The following INPPL1 variants were observed in gnomAD, a reference collection of about 807,000 sequenced individuals.
The protein encoded by INPPL1 is phosphatidylinositol 3,4,5-trisphosphate 5-phosphatase 2.
A neutral mutation model predicts 139.3 loss-of-function variants in INPPL1; 91 were observed. The observed-to-expected ratio is 0.65, with a 90% CI of 0.55 to 0.78. INPPL1 has a LOEUF of 0.78. INPPL1 is among the 30% of genes least tolerant of loss of function. The pLI is 0.00. For missense variants in INPPL1, 1,411 were observed against 1,665.6 expected (o/e 0.85, Z 2.66); for synonymous variants, 719 against 686.6 (o/e 1.05, Z -0.74).
In INPPL1 at chr11:72,225,069, G is replaced by C. The variant is rs1948629791; in HGVS notation, c.85G>C (p.Ala29Pro). The part of the protein sequence containing the change: ...PSWYHRDLSR[A>P]AAEELLARAG... ...CTGGTACCACCGCGACCTGAGCCGGGCGGCCGCGGAGGAGCTGCTGGCCCG... is the reference window on the plus strand; with the variant it reads ...CTGGTACCACCGCGACCTGAGCCGGCCGGCCGCGGAGGAGCTGCTGGCCCG... Residue 29 changes from alanine (A) to proline (P), a missense_variant, in exon 1 of 28, where the codon GCG (alanine) becomes CCG (proline). Around this residue, in one of 5 missense-constraint regions of INPPL1, gnomAD observed 504 missense variants for 595.6 expected, o/e 0.85. Transcript: ENST00000298229. 1 of 1,230,432 alleles carries C rather than the reference G, an allele frequency of 8.1e-7. No homozygotes were observed. Among genetic ancestry groups the C allele is most frequent in the African/African-American group, 1.6e-5 (1 of 64,248 alleles). The allele number at this position is 1,230,432 out of a possible 1,614,324, so 76.2% of individuals were successfully genotyped here. A position where few individuals can be genotyped will look rare whatever the true frequency, so the allele number is the denominator to read the frequency against.
In INPPL1 at chr11:72,238,421, A is replaced by C; in HGVS notation, c.*68A>C. 1 of 1,370,096 alleles carries C rather than the reference A, an allele frequency of 7.3e-7. No individual in the cohort carries two copies. The highest frequency in any genetic ancestry group is 9.8e-7 in the Non-Finnish European group (1 of 1,017,294). 84.9% of individuals were successfully genotyped at this position (1,370,096 alleles called of 1,614,324 possible). ...GCTACCAAGGCCCAGCTATGGCCCCAGGGTTGAAAAGTTATGAGGGTCAGG... is the reference window on the plus strand; with the variant it reads ...GCTACCAAGGCCCAGCTATGGCCCCCGGGTTGAAAAGTTATGAGGGTCAGG... On this transcript the variant is annotated 3_prime_UTR_variant, in exon 28 of 28. Transcript: ENST00000298229.
At position 72,231,584 on chromosome 11, in the gene INPPL1, C is replaced by A. The variant is rs1359430019; in HGVS notation, c.1584C>A (p.Ser528=). 10 of 1,613,642 alleles carry A rather than the reference C, an allele frequency of 6.2e-6. No individual in the cohort carries two copies. In the East Asian group the frequency reaches 2.2e-4, roughly 36 times the overall value. The change falls in exon 13 of 28, where the codon TCC becomes TCA. Residue 528 remains serine, a synonymous_variant. Transcript: ENST00000298229. ...HENRISHVST[S]SVKTGIANTL... The stretch of plus-strand genomic sequence containing the variant: ...ACCGTATCAGCCATGTCAGTACGTC[C>A]AGTGTGAAGACTGGCATCGCCAACA...
Position 72,228,801 on chromosome 11 carries a change from A to G in INPPL1, c.472A>G (p.Ser158Gly). The G allele has an allele frequency of 6.2e-7, 1 of 1,612,806 alleles. No individual in the cohort carries two copies. Among genetic ancestry groups the G allele is most frequent in the Non-Finnish European group, 8.5e-7 (1 of 1,179,420 alleles). Residue 158 changes from serine (S) to glycine (G), a missense_variant, in exon 4 of 28, where the codon AGT becomes GGT. Physicochemically the swap from Ser to Gly is moderately conservative, Grantham distance 56. This residue lies in a region of INPPL1 where 504 missense variants were observed against 595.6 expected (regional missense o/e 0.85). Coordinates refer to ENST00000298229, the MANE Select transcript of INPPL1 (RefSeq NM_001567.4). This position sits in a 1 kb window ranked among gnomAD's most constrained non-coding sequence, Gnocchi z 5.0. ...TSISAPTGPS[S>G]PLPAPETPTA... ...CATTTCTGCCCCCACTGGGCCCAGC[A>G]GTCCCCTGCCAGCTCCTGAGACTCC...
Position 72,230,369 on chromosome 11 carries a change from G to A in INPPL1, c.1098G>A (p.Gln366=), listed in dbSNP as rs1948798114. Residue 366 remains glutamine, a synonymous_variant, in exon 10 of 28, where the codon CAG becomes CAA. Coordinates refer to ENST00000298229, the MANE Select transcript of INPPL1 (RefSeq NM_001567.4). ...CGGTCCTCCATGCCCTAGTCCGCCA[G>A]CTCATTAAGTCCCAGCGTGTCCAGA... is the stretch of plus-strand genomic sequence containing the variant. ...WTTFTHDRIR[Q]LIKSQRVQNK... 1 of 1,613,982 alleles carries A rather than the reference G, an allele frequency of 6.2e-7. No individual in the cohort carries two copies. Among genetic ancestry groups the A allele is most frequent in the Admixed American group, 1.7e-5 (1 of 60,010 alleles).
chr11:72,237,514 T>C lies in INPPL1; in HGVS notation c.3270T>C (p.Pro1090=). ...RGGAEARGPP[P]PKAHPRPPLP... ...GGGCTGAGGCCCGTGGCCCACCACC[T>C]CCCAAGGCCCATCCAAGGCCTCCAC... The change falls in exon 26 of 28, where the codon CCT becomes CCC. Residue 1090 remains proline, a synonymous_variant. Transcript: ENST00000298229. 1 of 1,608,058 alleles carries C rather than the reference T, an allele frequency of 6.2e-7. No individual in the cohort carries two copies. The highest frequency in any genetic ancestry group is 1.1e-5 in the South Asian group (1 of 90,820).
At chr11:72,223,792 G>A (rs1948584633), upstream of INPPL1, 1 of 150,870 alleles carries the variant, frequency 6.6e-6, no homozygotes, top group African/African-American at 2.4e-5. Flanking sequence ...CGGGACCGAG[G>A]CGCGGGGCGG....
Position 72,229,915 on chromosome 11 carries a change from TCCCTCCAGG to T in INPPL1, c.844-4_848del, listed in dbSNP as rs1948782812. ...TCCCCTGACCCCGCCCTGCCCTTGT[TCCCTCCAGG>T]CCCTGAAGGCCCTACAGGACATGAG... On this transcript the variant is annotated splice_acceptor_variant and splice_polypyrimidine_tract_variant and coding_sequence_variant and intron_variant, in exon 8 of 28. Coordinates refer to ENST00000298229, the MANE Select transcript of INPPL1 (RefSeq NM_001567.4). LOFTEE classifies it high-confidence loss of function. 3 of 1,613,670 alleles carry T rather than the reference TCCCTCCAGG, an allele frequency of 1.9e-6. No individual in the cohort carries two copies. The highest frequency in any genetic ancestry group is 2.5e-6 in the Non-Finnish European group (3 of 1,179,786).
At position 72,232,784 on chromosome 11, in the gene INPPL1, A is replaced by G; in HGVS notation, c.1851+20A>G. The G allele has an allele frequency of 1.9e-6, 3 of 1,613,792 alleles. No homozygotes were observed. Among genetic ancestry groups the G allele is most frequent in the South Asian group, 1.1e-5 (1 of 91,066 alleles). The stretch of plus-strand genomic sequence containing the variant: ...ATCCAGGTGCGAGCAGGGCCCTGCC[A>G]TGGCTGTAGGGAGGCTAAGGGCCAC... On this transcript the variant is annotated intron_variant, in intron 15 of 27. Transcript: ENST00000298229.
rs372192876 is a variant in INPPL1, at chr11:72,229,077, C to T, written c.519-13C>T. The T allele has an allele frequency of 8.1e-6, 13 of 1,598,902 alleles. No individual in the cohort carries two copies. Among genetic ancestry groups the T allele is most frequent in the African/African-American group, 1.3e-5 (1 of 74,710 alleles). ...AGCAGGACCTCCACTGACTTCTTAA[C>T]CCCTCCCCAAAGTGCTCCCAATGGG... On this transcript the variant is annotated splice_polypyrimidine_tract_variant and intron_variant, in intron 4 of 27. Transcript: ENST00000298229.
rs1449505179 is a variant in INPPL1 at position 72,233,878 on chromosome 11, C to G, written c.2212+134C>G. On this transcript the variant is annotated intron_variant, in intron 19 of 27. Transcript: ENST00000298229. ...TACCAGTGAGTGCAGGAGTGTTTCT[C>G]AAGGTGTGATGTGTCAGGGTGTCTG... 9.6e-6 allele frequency: 7 copies of G among 726,752 alleles called. No individual in the cohort carries two copies. The Admixed American group carries it at 1.5e-4, about 16-fold the overall frequency. The allele number at this position is 726,752 out of a possible 1,614,324, so 45.0% of individuals were successfully genotyped here. A position where few individuals can be genotyped will look rare whatever the true frequency, so the allele number is the denominator to read the frequency against.
At chr11:72,225,998 C>T (rs1352052138) in intron 1 of INPPL1, among the ~76,000 whole-genome samples, 1 of 152,038 alleles carries the variant, frequency 6.6e-6, no homozygotes, top group Non-Finnish European at 1.5e-5. Context: ...CTTCTGTGGG[C>T]CCAGTGAGTG....
chr11:72,237,102 G>T, intron 25 of INPPL1, 22 bp from the exon 26 acceptor site: 1 of 1,553,400 alleles, frequency 6.4e-7, no homozygotes. Context: ...TCCTGGCTTA[G>T]TCGTTCTGCT....
intron 1 of INPPL1, among the ~76,000 whole-genome samples, chr11:72,227,730 C>G (rs73528804): frequency 0.029 from 4,419 of 152,326 alleles, 177 homozygotes; most frequent in African/African-American, 0.084. Context: ...CTAGACATAC[C>G]CGACTCCAGC....
In INPPL1 at chr11:72,232,922, G is replaced by C. The variant is rs1361600885; in HGVS notation, c.1899G>C (p.Arg633Ser). ...GGAAAGAGTTTGAGCCCCTCCTCAG[G>C]GTGGACCAGCTCAACCTGGAGCGGG... ...ISRKEFEPLL[R>S]VDQLNLEREK... The change falls in exon 16 of 28, where the codon AGG (arginine) becomes AGC (serine). Residue 633 changes from arginine to serine, a missense_variant. Physicochemically the swap from Arg to Ser is moderately radical, Grantham distance 110 (BLOSUM62 -1). Around this residue, in one of 5 missense-constraint regions of INPPL1, gnomAD observed 363 missense variants for 446.2 expected, o/e 0.81. Transcript: ENST00000298229. 6.2e-7 allele frequency: 1 copy of C among 1,614,028 alleles called. No homozygotes were observed. The highest frequency in any genetic ancestry group is 8.5e-7 in the Non-Finnish European group (1 of 1,180,034).
chr11:72,235,999 A>ACCTGTCAC lies in INPPL1; in HGVS notation c.2879+15_2879+22dup, dbSNP rs1948979035. ...CCTTGACCCCCAGGTGAGAGGAGGA[A>ACCTGTCAC]CCTGTCACCGCCCCCCCTTCCCCCA... On this transcript the variant is annotated intron_variant, in intron 25 of 27. Coordinates refer to ENST00000298229, the MANE Select transcript of INPPL1 (RefSeq NM_001567.4). The surrounding 1 kb of genome is among the most constrained non-coding windows in gnomAD (Gnocchi z 4.9). The ACCTGTCAC allele has an allele frequency of 1.3e-6, 2 of 1,483,062 alleles. No homozygotes were observed. The highest frequency in any genetic ancestry group is 1.8e-6 in the Non-Finnish European group (2 of 1,085,208). The allele number at this position is 1,483,062 out of a possible 1,614,324, so 91.9% of individuals were successfully genotyped here. A position where few individuals can be genotyped will look rare whatever the true frequency, so the allele number is the denominator to read the frequency against.
chr11:72,225,220 G>T, intron 1 of INPPL1, 54 bp downstream of exon 1: 1 of 1,227,064 alleles, frequency 8.1e-7, no homozygotes. Flanking sequence ...GCGCGGGCAC[G>T]GCCGGGTGTG....
chr11:72,225,592 G>A (rs1156737097), intron 1 of INPPL1: 1 of 936,106 alleles, frequency 1.1e-6, no homozygotes, highest in Non-Finnish European at 1.3e-6. Flanking sequence ...GTGTGGGGAT[G>A]CCTGGCAGCT....
At chr11:72,229,410 C>G in intron 5 of INPPL1, 55 bp from the exon 6 acceptor site, 34 of 1,555,674 alleles carry the variant, frequency 2.2e-5, no homozygotes, top group Non-Finnish European at 2.9e-5. Flanking sequence ...CCCAGCGCCC[C>G]CTTCCCTATA....
At chr11:72,225,487 G>T (rs1948644956) in intron 1 of INPPL1, 1 of 985,284 alleles carries the variant, frequency 1.0e-6, no homozygotes, top group African/African-American at 1.7e-5. Context: ...GGGAGCAGGG[G>T]AGAGGATGTG....
Sources: gnomAD v4.1 joint callset for allele counts (sites outside exome capture counted in the v4.1 genomes callset) on GRCh38, gnomAD v4.1.1 for gene constraint, gnomAD v4.1.1 regional missense constraint, Gnocchi (gnomAD v3.1) non-coding constraint, MANE v1.5 for transcripts, NCBI Gene and HGNC (gene_info 2026-07-23, HGNC 2026-07-21) for gene names.